The following LACTB variants were observed in gnomAD, a reference collection of about 807,000 sequenced individuals.
The protein encoded by LACTB is lactamase beta.
LACTB carries 35 observed loss-of-function variants against 50.2 expected under a neutral mutation model. The observed-to-expected ratio is 0.70, with a 90% confidence interval of 0.53 to 0.92. LACTB has a LOEUF of 0.92. LACTB is among the 40% of genes least tolerant of loss of function. LACTB has a pLI of 0.00. For missense variants in LACTB, 664 were observed against 691.8 expected (o/e 0.96, Z 0.45); for synonymous variants, 252 against 268.2 (o/e 0.94, Z 0.59).
At chr15:63,134,178 T>G (rs1007922034) in intron 5 of LACTB, among the ~76,000 whole-genome samples, 1 of 152,194 alleles carries the variant, frequency 6.6e-6, no homozygotes, top group African/African-American at 2.4e-5. Context: ...GTCCAATTAT[T>G]GAGTTGGAAA....
In LACTB at chr15:63,127,769, G is replaced by T. The variant is rs543575075; in HGVS notation, c.952+80G>T. Reference sequence around the variant, plus strand: ...CAGGAAATCCAAAATGATACCATCCGGAGTGCATTCATTGAGGTTGATGAT... The same window carrying T: ...CAGGAAATCCAAAATGATACCATCCTGAGTGCATTCATTGAGGTTGATGAT... On this transcript the variant is annotated intron_variant, in intron 4 of 5. Transcript: ENST00000261893. The T allele has an allele frequency of 4.1e-6, 4 of 970,998 alleles. No individual in the cohort carries two copies. In the Admixed American group the frequency reaches 8.2e-5, roughly 20 times the overall value. The allele number at this position is 970,998 out of a possible 1,614,324, so 60.1% of individuals were successfully genotyped here. A position where few individuals can be genotyped will look rare whatever the true frequency, so the allele number is the denominator to read the frequency against.
At chr15:63,133,069 G>A (rs182792265) in intron 5 of LACTB, among the ~76,000 whole-genome samples, 1 of 152,138 alleles carries the variant, frequency 6.6e-6, no homozygotes, top group Admixed American at 6.5e-5. Context: ...AAAATTCTAG[G>A]CAAATTGCTT....
chr15:63,122,845 A>G (rs895218103), intron 2 of LACTB, 143 bp downstream of exon 2: 4 of 646,854 alleles, frequency 6.2e-6, no homozygotes, highest in Non-Finnish European at 1.1e-5. Context: ...CATAATAAAG[A>G]GTCAGGTGTT....
At chr15:63,125,930 C>G (rs980280020) in intron 2 of LACTB, 1 of 151,634 alleles carries the variant, frequency 6.6e-6, no homozygotes, top group East Asian at 1.9e-4. Context: ...TCTCGAAATC[C>G]TGAGCTCAAG....
At position 63,141,415 on chromosome 15, in the gene LACTB, C is replaced by T. The variant is rs1411116538; in HGVS notation, c.1254C>T (p.Tyr418=). ...TTGGGAATGCAATGCTTTATGGTTA[C>T]CAAGTTGGGCTGTTTAAGAACTCAA... ...LKFGNAMLYG[Y]QVGLFKNSNE... is the part of the protein sequence containing the mutation. The change falls in exon 6 of 6, where the codon TAC becomes TAT. Residue 418 remains tyrosine, a synonymous_variant. Coordinates refer to ENST00000261893, the MANE Select transcript of LACTB (RefSeq NM_032857.5). 2.5e-6 allele frequency: 4 copies of T among 1,614,156 alleles called. No individual in the cohort carries two copies. In the Admixed American group the frequency reaches 5.0e-5, roughly 20 times the overall value.
At chr15:63,129,457 T>A (rs556989508) in intron 4 of LACTB, 28 bp from the exon 5 acceptor site, 1 of 1,493,100 alleles carries the variant, frequency 6.7e-7, no homozygotes, top group South Asian at 1.4e-5. Context: ...GTATTTTATT[T>A]TTTTCCTCCT....
intron 5 of LACTB, among the ~76,000 whole-genome samples, chr15:63,138,877 T>C (rs538723931): frequency 6.6e-6 from 1 of 151,292 alleles, no homozygotes; most frequent in East Asian, 1.9e-4. Context: ...CCGTTTCTAC[T>C]AAAAATACTA....
At chr15:63,139,469 A>G (rs954288357) in intron 5 of LACTB, among the ~76,000 whole-genome samples, 1 of 152,134 alleles carries the variant, frequency 6.6e-6, no homozygotes, top group Non-Finnish European at 1.5e-5. Flanking sequence ...CCTGGCCAAC[A>G]TGGCAAAACC....
At position 63,141,890 on chromosome 15, in the gene LACTB, T is replaced by A; in HGVS notation, c.*85T>A. On this transcript the variant is annotated 3_prime_UTR_variant, in exon 6 of 6. Coordinates refer to ENST00000261893, the MANE Select transcript of LACTB (RefSeq NM_032857.5). ...TTCCAAAACATGACATTTTTAAGAA[T>A]AAATTTGAAATAGAGTATAACTGAA... 1 of 1,197,794 alleles carries A rather than the reference T, an allele frequency of 8.3e-7. No homozygotes were observed. The allele number at this position is 1,197,794 out of a possible 1,614,324, so 74.2% of individuals were successfully genotyped here.
intron 5 of LACTB, 126 bp from the exon 6 acceptor site, chr15:63,141,154 A>T (rs1036625169): frequency 7.0e-7 from 1 of 1,438,814 alleles, no homozygotes; most frequent in African/African-American, 1.4e-5. Flanking sequence ...TGGTTAGTTT[A>T]TAGTTTCTGA....
rs1009327150 is a variant in LACTB, at chr15:63,122,041, C to A, written c.170C>A (p.Ala57Glu). 1.4e-6 allele frequency: 2 copies of A among 1,420,326 alleles called. No homozygotes were observed. Among genetic ancestry groups the A allele is most frequent in the African/African-American group, 1.5e-5 (1 of 66,762 alleles). 88.0% of individuals were successfully genotyped at this position (1,420,326 alleles called of 1,614,324 possible). Residue 57 changes from alanine (A) to glutamate (E), a missense_variant, in exon 1 of 6, where the codon GCA (alanine) becomes GAA (glutamate). Transcript: ENST00000261893. ...GLGLALGVKLAGGLRGAAPAQ... is the reference protein window; with the variant it reads ...GLGLALGVKLEGGLRGAAPAQ... ...GGGCTGGCGCTCGGGGTGAAGCTGG[C>A]AGGTGGGCTGAGGGGCGCGGCCCCG...
intron 5 of LACTB, among the ~76,000 whole-genome samples, chr15:63,136,020 T>C (rs1267934296): frequency 6.6e-6 from 1 of 150,376 alleles, no homozygotes; most frequent in Non-Finnish European, 1.5e-5. Flanking sequence ...CATATGATGG[T>C]GAGTCAATTT....
intron 5 of LACTB, among the ~76,000 whole-genome samples, chr15:63,137,690 G>T (rs1388609071): frequency 6.6e-6 from 1 of 152,080 alleles, no homozygotes; most frequent in Non-Finnish European, 1.5e-5. Flanking sequence ...TCACCATGTT[G>T]TATTCTCAAA....
intron 5 of LACTB, among the ~76,000 whole-genome samples, chr15:63,135,851 C>G (rs1384904290): frequency 1.3e-5 from 2 of 152,182 alleles, no homozygotes; most frequent in Non-Finnish European, 2.9e-5. Context: ...ACGTCTAGCT[C>G]TGTGTATAAG....
chr15:63,129,625 G>A lies in LACTB; in HGVS notation c.1093G>A (p.Glu365Lys), dbSNP rs368633373. The A allele has an allele frequency of 2.1e-5, 34 of 1,607,856 alleles. No homozygotes were observed. The highest frequency in any genetic ancestry group is 2.7e-5 in the African/African-American group (2 of 74,632). Residue 365 changes from glutamate to lysine, a missense_variant, in exon 5 of 6, where the codon GAG (glutamate) becomes AAG (lysine). Physicochemically the swap from Glu to Lys is moderately conservative, Grantham distance 56. Transcript: ENST00000261893. ...GCTGACGACTGTGCAGGAAGAAAACGAGCCAGTGATTTACAATAGAGCAAG... is the reference window on the plus strand; with the variant it reads ...GCTGACGACTGTGCAGGAAGAAAACAAGCCAGTGATTTACAATAGAGCAAG... ...DMLTTVQEENEPVIYNRARFY... is the reference protein window; with the variant it reads ...DMLTTVQEENKPVIYNRARFY...
At chr15:63,123,331 C>A (rs557225003) in intron 2 of LACTB, among the ~76,000 whole-genome samples, 89 of 152,292 alleles carry the variant, frequency 5.8e-4, no homozygotes, top group African/African-American at 2.0e-3. Flanking sequence ...AGATAAAACT[C>A]AGAATTTGTG....
At position 63,127,036 on chromosome 15, in the gene LACTB, A is replaced by G. The variant is rs1319073824; in HGVS notation, c.602A>G (p.Tyr201Cys). Residue 201 changes from tyrosine (Y) to cysteine (C), a missense_variant, in exon 3 of 6, where the codon TAT becomes TGT. Transcript: ENST00000261893. ...HYVPEFPEKE[Y>C]EGEKVSVTTR... ...GTTCCCGAATTCCCAGAAAAAGAAT[A>G]TGAAGGTGAAAAGGTACTGAAACTC... is the stretch of plus-strand genomic sequence containing the variant. 6.2e-7 allele frequency: 1 copy of G among 1,601,622 alleles called. No individual in the cohort carries two copies. Among genetic ancestry groups the G allele is most frequent in the Non-Finnish European group, 8.5e-7 (1 of 1,172,252 alleles).
chr15:63,141,779 G>A lies in LACTB; in HGVS notation c.1618G>A (p.Glu540Lys). 1 of 1,613,344 alleles carries A rather than the reference G, an allele frequency of 6.2e-7. No homozygotes were observed. The stretch of plus-strand genomic sequence containing the variant: ...TAGCACCGCTTTGAAGATTGCCCTT[G>A]AATTTGATAAAGACAGATCAGACTG... ...LNSTALKIAL[E>K]FDKDRSD The change falls in exon 6 of 6, where the codon GAA becomes AAA. Residue 540 changes from glutamate to lysine, a missense_variant. Coordinates refer to ENST00000261893, the MANE Select transcript of LACTB (RefSeq NM_032857.5).
intron 5 of LACTB, among the ~76,000 whole-genome samples, chr15:63,135,861 G>C (rs1189972874): frequency 6.6e-6 from 1 of 152,188 alleles, no homozygotes; most frequent in African/African-American, 2.4e-5. Flanking sequence ...CTGTGTATAA[G>C]GGGGAGAAGG....
Sources: gnomAD v4.1 joint callset for allele counts (sites outside exome capture counted in the v4.1 genomes callset) on GRCh38, gnomAD v4.1.1 for gene constraint, MANE v1.5 for transcripts, NCBI Gene and HGNC (gene_info 2026-07-23, HGNC 2026-07-21) for gene names.